GBP7: variants seen among roughly 807,000 people sequenced by gnomAD.
GBP7 encodes the protein guanylate-binding protein 7.
GBP7 carries 43 observed loss-of-function variants against 61.3 expected under a neutral mutation model. The ratio of observed to expected loss-of-function variants is 0.70; its 90% CI spans 0.55 to 0.91. GBP7 has a LOEUF of 0.91. Ranked by LOEUF, GBP7 falls within the 40% of genes least tolerant of loss-of-function variation. The pLI, the probability that GBP7 is intolerant of heterozygous loss-of-function variation, is 0.00. For synonymous variants in GBP7, 267 were observed against 271.0 expected, an observed-to-expected ratio of 0.99 and a Z score of 0.14; for missense variants, 717 against 740.5, an observed-to-expected ratio of 0.97 and a Z score of 0.37.
intron 9 of GBP7, among the ~76,000 whole-genome samples, chr1:89,135,796 C>A (rs1298723323): frequency 1.3e-5 from 2 of 151,958 alleles, no homozygotes; most frequent in East Asian, 3.9e-4. Context: ...AAGTGTGGAT[C>A]AAATCCACAC....
intron 2 of GBP7, among the ~76,000 whole-genome samples, chr1:89,170,301 T>G (rs1262690884): frequency 6.6e-6 from 1 of 152,246 alleles, no homozygotes; most frequent in Non-Finnish European, 1.5e-5. Flanking sequence ...TTGCATTATT[T>G]TCTTTAAGCT....
rs886473526 is a variant in GBP7 at position 89,133,661 on chromosome 1, C to T, written c.1469-210G>A. On this transcript the variant is annotated intron_variant, in intron 9 of 10. Transcript: ENST00000294671. ...GACCCAAGGCTGAAGGGAGAGGAAGCTGGGAACCTTGCACAGGTTGCCAAG... is the reference window on the plus strand; with the variant it reads ...GACCCAAGGCTGAAGGGAGAGGAAGTTGGGAACCTTGCACAGGTTGCCAAG... 2.0e-5 allele frequency among the ~76,000 whole-genome samples: 3 copies of T among 152,142 alleles called. No homozygotes were observed. In the South Asian group the frequency reaches 6.2e-4, roughly 31 times the overall value.
At chr1:89,165,912 A>G (rs1647413385) in intron 2 of GBP7, among the ~76,000 whole-genome samples, 2 of 151,910 alleles carry the variant, frequency 1.3e-5, no homozygotes, top group South Asian at 4.2e-4. Flanking sequence ...AACTTAAAGT[A>G]CATATATAAA....
At chr1:89,167,534 G>A (rs1157550838) in intron 2 of GBP7, among the ~76,000 whole-genome samples, 1 of 152,082 alleles carries the variant, frequency 6.6e-6, no homozygotes, top group African/African-American at 2.4e-5. Flanking sequence ...TCTTACTTCT[G>A]AACATCTGCC....
intron 8 of GBP7, among the ~76,000 whole-genome samples, chr1:89,144,172 T>C (rs1408730730): frequency 6.6e-6 from 1 of 152,190 alleles, no homozygotes; most frequent in East Asian, 1.9e-4. Context: ...GATAATGGCC[T>C]CCAGATGCAT....
At position 89,133,403 on chromosome 1, in the gene GBP7, C is replaced by G; in HGVS notation, c.1517G>C (p.Arg506Thr). 1 of 1,614,056 alleles carries G rather than the reference C, an allele frequency of 6.2e-7. No homozygotes were observed. Among genetic ancestry groups the G allele is most frequent in the Non-Finnish European group, 8.5e-7 (1 of 1,179,996 alleles). Reference protein sequence around the residue: ...EAAEKEQELLRQKQKEQQQMM... With the variant: ...EAAEKEQELLTQKQKEQQQMM... ...TTGCTGCTGTTCCTTCTGTTTTTGTCTTAGCAGCTCCTGTTCCTTTTCAGC... is the reference window on the plus strand; with the variant it reads ...TTGCTGCTGTTCCTTCTGTTTTTGTGTTAGCAGCTCCTGTTCCTTTTCAGC... Residue 506 changes from arginine (R) to threonine (T), a missense_variant, in exon 10 of 11, where the codon AGA (arginine) becomes ACA (threonine). Transcript: ENST00000294671.
At chr1:89,157,460 A>G (rs1682342764) in intron 3 of GBP7, among the ~76,000 whole-genome samples, 1 of 152,170 alleles carries the variant, frequency 6.6e-6, no homozygotes, top group African/African-American at 2.4e-5. Context: ...GACCACTACC[A>G]AGACGAATAA....
Position 89,150,447 on chromosome 1 carries a change from C to T in GBP7, c.754G>A (p.Val252Ile), listed in dbSNP as rs745772148. Residue 252 changes from valine to isoleucine, a missense_variant, in exon 6 of 11, where the codon GTA (valine) becomes ATA (isoleucine). Physicochemically the swap from Val to Ile is conservative, Grantham distance 29. Coordinates refer to ENST00000294671, the MANE Select transcript of GBP7 (RefSeq NM_207398.3). Reference protein sequence around the residue: ...DKKLLLHVEEVREDQLDSNFQ... With the variant: ...DKKLLLHVEEIREDQLDSNFQ... The stretch of plus-strand genomic sequence containing the variant: ...TTACTATCCAGTTGGTCTTCTCGTA[C>T]TTCTTCAACATGGAGTAAGAGTTTT... 9.3e-6 allele frequency: 15 copies of T among 1,614,106 alleles called. No homozygotes were observed. Among genetic ancestry groups the T allele is most frequent in the East Asian group, 8.9e-5 (4 of 44,876 alleles).
intron 9 of GBP7, among the ~76,000 whole-genome samples, chr1:89,134,545 A>C (rs1371291550): frequency 1.3e-5 from 2 of 151,876 alleles, no homozygotes; most frequent in Non-Finnish European, 2.9e-5. Context: ...CAGCCTACTA[A>C]GGTTCAAGCC....
chr1:89,139,086 C>T (rs567377955), intron 9 of GBP7, among the ~76,000 whole-genome samples: 36 of 152,052 alleles, frequency 2.4e-4, no homozygotes, highest in Non-Finnish European at 4.7e-4. Flanking sequence ...ATGCTCAACA[C>T]CAAAACAGAG....
chr1:89,163,585 G>A (rs1647335978), intron 3 of GBP7, among the ~76,000 whole-genome samples: 1 of 75,464 alleles, frequency 1.3e-5, no homozygotes, highest in African/African-American at 6.3e-5. Context: ...TATTTATGTG[G>A]GGTCAGTGGT....
chr1:89,171,846 G>A lies in GBP7; in HGVS notation c.90C>T (p.Ile30=). The change falls in exon 2 of 11, where the codon ATC becomes ATT. Residue 30 remains isoleucine (I), a synonymous_variant. Coordinates refer to ENST00000294671, the MANE Select transcript of GBP7 (RefSeq NM_207398.3). ...CTACAGGCTGTGTAATGGCAGACAG[G>A]ATTTCCAGAGCTTCTGAATTCACCA... ...HLVVNSEALE[I]LSAITQPVVV... 5 of 1,613,780 alleles carry A rather than the reference G, an allele frequency of 3.1e-6. No individual in the cohort carries two copies. The highest frequency in any genetic ancestry group is 4.2e-6 in the Non-Finnish European group (5 of 1,179,886).
chr1:89,133,687 C>T (rs1681729579), intron 9 of GBP7, among the ~76,000 whole-genome samples: 1 of 152,262 alleles, frequency 6.6e-6, no homozygotes, highest in South Asian at 2.1e-4. Flanking sequence ...GGTTGCCAAG[C>T]ACCAAGACTC....
intron 1 of GBP7, among the ~76,000 whole-genome samples, chr1:89,174,433 A>G (rs1647685486): frequency 6.6e-6 from 1 of 152,130 alleles, no homozygotes. Context: ...GCTCTTCTGA[A>G]TTAATTACAA....
intron 3 of GBP7, among the ~76,000 whole-genome samples, chr1:89,156,943 C>T (rs112082395): frequency 2.0e-5 from 3 of 152,292 alleles, no homozygotes; most frequent in African/African-American, 7.2e-5. Flanking sequence ...AAATGGACCA[C>T]ATAGTTGGAA....
At position 89,138,477 on chromosome 1, in the gene GBP7, A is replaced by G. The variant is rs1250676477; in HGVS notation, c.1468+3069T>C. 2.0e-5 allele frequency among the ~76,000 whole-genome samples: 3 copies of G among 152,120 alleles called. No individual in the cohort carries two copies. The East Asian group carries it at 5.8e-4, about 29-fold the overall frequency. ...TGGTCAAAAAACAAAACAAAACAAA[A>G]CAGACACATGAACAAATGGAAAAGT... On this transcript the variant is annotated intron_variant, in intron 9 of 10. Coordinates refer to ENST00000294671, the MANE Select transcript of GBP7 (RefSeq NM_207398.3).
chr1:89,170,881 C>T (rs1179953103), intron 2 of GBP7, among the ~76,000 whole-genome samples: 1 of 152,156 alleles, frequency 6.6e-6, no homozygotes, highest in Non-Finnish European at 1.5e-5. Context: ...CCATCAGGGT[C>T]CCTGCAGTCA....
At chr1:89,167,990 C>T (rs921412059) in intron 2 of GBP7, among the ~76,000 whole-genome samples, 5 of 152,160 alleles carry the variant, frequency 3.3e-5, no homozygotes, top group African/African-American at 1.2e-4. Context: ...CTCATGCACA[C>T]TTCTCAATTG....
chr1:89,132,477 A>T lies in GBP7; in HGVS notation c.1663-74T>A, dbSNP rs906198092. 35 of 1,119,810 alleles carry T rather than the reference A, an allele frequency of 3.1e-5. No individual in the cohort carries two copies. In the African/African-American group the frequency reaches 5.3e-4, roughly 17 times the overall value. The allele number at this position is 1,119,810 out of a possible 1,614,324, so 69.4% of individuals were successfully genotyped here. ...ACCGAGGTTTGTATTTAACAATTTC[A>T]TTAGTTAAACATGTGTCCATTTCTC... On this transcript the variant is annotated intron_variant, in intron 10 of 10. Transcript: ENST00000294671.
Sources: allele counts gnomAD v4.1 joint callset (sites outside exome capture counted in the v4.1 genomes callset), GRCh38; gene constraint gnomAD v4.1.1; transcripts MANE v1.5; gene names NCBI Gene and HGNC (gene_info 2026-07-23, HGNC 2026-07-21).